NECAB1: variants seen among roughly 807,000 people sequenced by gnomAD.
NECAB1 encodes N-terminal EF-hand calcium-binding protein 1.
In NECAB1, 29 loss-of-function variants were observed where a neutral mutation model predicts 57.5. The ratio of observed to expected loss-of-function variants is 0.50; its 90% CI spans 0.38 to 0.69. NECAB1 has a LOEUF of 0.69. Ranked by LOEUF, NECAB1 falls within the 30% of genes least tolerant of loss-of-function variation. The probability of loss-of-function intolerance (pLI) is 0.00; values close to 1 mark genes in which losing one functional copy is unlikely to be tolerated. For synonymous variants in NECAB1, 142 were observed against 147.7 expected (o/e 0.96, Z 0.28); for missense variants, 372 against 413.8 (o/e 0.90, Z 0.88).
At chr8:90,925,705 C>T (rs199773610) in intron 7 of NECAB1, 49 bp downstream of exon 7, 43 of 1,602,700 alleles carry the variant, frequency 2.7e-5, no homozygotes, top group South Asian at 6.7e-5. Flanking sequence ...ATTTATCTTG[C>T]GTTTTCCAAT....
intron 12 of NECAB1, 74 bp from the exon 13 acceptor site, chr8:90,955,413 A>G: frequency 9.1e-7 from 1 of 1,103,350 alleles, no homozygotes; most frequent in African/African-American, 1.6e-5. Context: ...CTCTTTAGAA[A>G]TAATTTGCAC....
At chr8:90,893,760 T>C (rs1290881029) in intron 5 of NECAB1, among the ~76,000 whole-genome samples, 2 of 152,164 alleles carry the variant, frequency 1.3e-5, no homozygotes, top group African/African-American at 4.8e-5. Flanking sequence ...AGATGGAATT[T>C]ATGGCTAGCT....
At chr8:90,927,985 A>G (rs11989895) in intron 7 of NECAB1, among the ~76,000 whole-genome samples, 1,559 of 137,208 alleles carry the variant, frequency 0.011, 30 homozygotes, top group African/African-American at 0.046. Context: ...TTCTTTGAAT[A>G]TCAAAGGCCA....
chr8:90,873,860 A>T (rs1808664245), intron 4 of NECAB1, among the ~76,000 whole-genome samples: 1 of 147,920 alleles, frequency 6.8e-6, no homozygotes, highest in East Asian at 2.0e-4. Context: ...AAAATATTTT[A>T]AAAATATGCC....
chr8:90,933,319 AC>A (rs376952573), intron 8 of NECAB1, among the ~76,000 whole-genome samples: 2 of 152,328 alleles, frequency 1.3e-5, no homozygotes, highest in African/African-American at 2.4e-5. Context: ...AAAATGTGGA[AC>A]CAACCCAAAT....
intron 5 of NECAB1, among the ~76,000 whole-genome samples, chr8:90,895,566 CCAAT>C (rs1809307029): frequency 6.6e-6 from 1 of 152,198 alleles, no homozygotes; most frequent in Non-Finnish European, 1.5e-5. Context: ...CCTTTGCTCT[CCAAT>C]CAAATAATAT....
chr8:90,906,438 A>G (rs896459615), intron 5 of NECAB1, among the ~76,000 whole-genome samples: 3 of 151,960 alleles, frequency 2.0e-5, no homozygotes, highest in Non-Finnish European at 4.4e-5. Context: ...TCAACCCCCT[A>G]CCTTGACTCA....
At chr8:90,931,163 G>T (rs776969017) in intron 8 of NECAB1, among the ~76,000 whole-genome samples, 48 of 152,268 alleles carry the variant, frequency 3.2e-4, no homozygotes, top group Admixed American at 5.2e-4. Context: ...TTTTCAGCAT[G>T]GGGCTCCAGC....
intron 9 of NECAB1, among the ~76,000 whole-genome samples, chr8:90,939,526 GA>G: frequency 6.6e-6 from 1 of 152,232 alleles, no homozygotes; most frequent in East Asian, 1.9e-4. Context: ...GCCTTTAGAC[GA>G]AAAGAATTAT....
intron 10 of NECAB1, among the ~76,000 whole-genome samples, chr8:90,949,134 A>T (rs1342622973): frequency 6.6e-6 from 1 of 150,466 alleles, no homozygotes; most frequent in Non-Finnish European, 1.5e-5. Context: ...TCATCCAGAG[A>T]CAACAGGCAC....
intron 7 of NECAB1, among the ~76,000 whole-genome samples, chr8:90,926,328 T>C (rs1213066133): frequency 1.3e-5 from 2 of 152,216 alleles, no homozygotes; most frequent in Non-Finnish European, 2.9e-5. Flanking sequence ...ATAAGCTATA[T>C]TCTATATTTT....
Position 90,854,314 on chromosome 8 carries a change from C to T in NECAB1, c.234-17814C>T, listed in dbSNP as rs1046953515. On this transcript the variant is annotated intron_variant, in intron 3 of 12. Transcript: ENST00000417640. ...GTGTTGGGATAATGAGGAATGAAAACGCTATGTCTGTAATTGAAGTACTCA... is the reference window on the plus strand; with the variant it reads ...GTGTTGGGATAATGAGGAATGAAAATGCTATGTCTGTAATTGAAGTACTCA... Among the ~76,000 whole-genome samples the T allele has an allele frequency of 1.4e-4, 22 of 152,052 alleles. 1 individual carries two copies. The highest frequency in any genetic ancestry group is 4.1e-4 in the African/African-American group (17 of 41,368).
intron 6 of NECAB1, among the ~76,000 whole-genome samples, chr8:90,922,048 A>C (rs1370881061): frequency 6.6e-6 from 1 of 152,256 alleles, no homozygotes; most frequent in Non-Finnish European, 1.5e-5. Context: ...GCCCTGGCAA[A>C]CTGACTAAAT....
At chr8:90,932,579 G>C (rs2130200171) in intron 8 of NECAB1, among the ~76,000 whole-genome samples, 1 of 152,308 alleles carries the variant, frequency 6.6e-6, no homozygotes, top group South Asian at 2.1e-4. Context: ...AAGTCAAGAA[G>C]AAGGCAGCTA....
intron 2 of NECAB1, among the ~76,000 whole-genome samples, chr8:90,803,674 C>A (rs887295451): frequency 6.6e-6 from 1 of 152,128 alleles, no homozygotes; most frequent in African/African-American, 2.4e-5. Flanking sequence ...AATGTCCATT[C>A]CAACATGCTG....
At chr8:90,931,677 G>C (rs529243881) in intron 8 of NECAB1, among the ~76,000 whole-genome samples, 91 of 152,214 alleles carry the variant, frequency 6.0e-4, no homozygotes, top group Non-Finnish European at 1.0e-3. Context: ...GCTGAGGCAA[G>C]TGGATCACCT....
chr8:90,907,143 T>TGAGAGAGAGAGAGAGA (rs67911820), intron 5 of NECAB1, among the ~76,000 whole-genome samples: 2 of 106,664 alleles, frequency 1.9e-5, no homozygotes, highest in East Asian at 2.9e-4. Context: ...TGTGTGTGTG[T>TGAGAGAGAGAGAGAGA]GTGTGTGTGA....
chr8:90,845,588 TAGAC>T (rs754200371), intron 3 of NECAB1, among the ~76,000 whole-genome samples: 5 of 152,270 alleles, frequency 3.3e-5, no homozygotes, highest in Middle Eastern at 3.4e-3. Context: ...TTTGTATAAA[TAGAC>T]AGTAAGTTCC....
At chr8:90,835,193 G>C (rs75235558) in intron 3 of NECAB1, among the ~76,000 whole-genome samples, 351 of 152,210 alleles carry the variant, frequency 2.3e-3, no homozygotes, top group African/African-American at 7.4e-3. Flanking sequence ...GCTTTTCATT[G>C]ATTCTCAGCA....
Sources: allele counts gnomAD v4.1 joint callset (sites outside exome capture counted in the v4.1 genomes callset), GRCh38; gene constraint gnomAD v4.1.1; transcripts MANE v1.5; gene names NCBI Gene and HGNC (gene_info 2026-07-23, HGNC 2026-07-21).